PRKAR1B: variants seen among roughly 807,000 people sequenced by gnomAD.
The protein encoded by PRKAR1B is cAMP-dependent protein kinase type I-beta regulatory subunit.
Under a neutral mutation model 46.5 loss-of-function variants are expected in PRKAR1B, and 22 were observed. That is an observed-to-expected ratio of 0.47 (90% CI 0.34 to 0.68). PRKAR1B has a LOEUF of 0.68. PRKAR1B is among the 30% of genes least tolerant of loss of function. The probability of loss-of-function intolerance (pLI) is 0.01; values close to 1 mark genes in which losing one functional copy is unlikely to be tolerated. For synonymous variants in PRKAR1B, 259 were observed against 217.7 expected (o/e 1.19, Z -1.67); for missense variants, 445 against 535.6 (o/e 0.83, Z 1.67).
intron 9 of PRKAR1B, among the ~76,000 whole-genome samples, chr7:575,815 T>C (rs556417916): frequency 7.2e-5 from 11 of 152,296 alleles, no homozygotes; most frequent in African/African-American, 2.6e-4. Context: ...GCTCGAGTGA[T>C]CCTCTTCCTA....
chr7:704,402 C>A (rs941109605), intron 2 of PRKAR1B, among the ~76,000 whole-genome samples: 1 of 152,184 alleles, frequency 6.6e-6, no homozygotes, highest in Non-Finnish European at 1.5e-5. Flanking sequence ...ACAAACACTA[C>A]AGACATTAAA....
rs1179057152 is a variant in PRKAR1B at position 666,202 on chromosome 7, C to T, written c.440+11027G>A. ...CCGGGATAGAACCCAAGGGCCTCCA[C>T]CTCACTCCCCAAGGCCTGGGACACA... is the stretch of plus-strand genomic sequence containing the variant. On this transcript the variant is annotated intron_variant, in intron 4 of 10. Transcript: ENST00000537384. The surrounding 1 kb of genome is among the most constrained non-coding windows in gnomAD (Gnocchi z 4.9). 6.6e-6 allele frequency among the ~76,000 whole-genome samples: 1 copy of T among 152,134 alleles called. No homozygotes were observed. Among genetic ancestry groups the T allele is most frequent in the Non-Finnish European group, 1.5e-5 (1 of 68,020 alleles).
chr7:711,286 G>C, intron 2 of PRKAR1B, 43 bp downstream of exon 2: 1 of 1,608,140 alleles, frequency 6.2e-7, no homozygotes, highest in Non-Finnish European at 8.5e-7. Context: ...CTCTGCCCCA[G>C]GACACGTGCG....
Position 626,957 on chromosome 7 carries a change from C to G in PRKAR1B, c.441-19505G>C, listed in dbSNP as rs539168122. 5.3e-5 allele frequency among the ~76,000 whole-genome samples: 8 copies of G among 152,280 alleles called. No individual in the cohort carries two copies. In the East Asian group the frequency reaches 9.7e-4, roughly 18 times the overall value. On this transcript the variant is annotated intron_variant, in intron 4 of 10. Transcript: ENST00000537384. ...TGGCGTGATCTCGGCTCACTGCAAG[C>G]TCCGCCTCCCGGGTTCAAGCGATTC... is the stretch of plus-strand genomic sequence containing the variant.
At chr7:626,197 A>C (rs1179686033) in intron 4 of PRKAR1B, among the ~76,000 whole-genome samples, 4 of 152,174 alleles carry the variant, frequency 2.6e-5, no homozygotes, top group Admixed American at 1.3e-4. Flanking sequence ...CAAAACAAAA[A>C]GCGTCAAGCC....
intron 4 of PRKAR1B, among the ~76,000 whole-genome samples, chr7:641,750 T>C (rs1385942086): frequency 6.6e-6 from 1 of 152,162 alleles, no homozygotes; most frequent in East Asian, 1.9e-4. Flanking sequence ...ACGACTCTAT[T>C]TATGTGTTTA....
At chr7:631,571 C>T (rs1783742167) in intron 4 of PRKAR1B, among the ~76,000 whole-genome samples, 1 of 152,214 alleles carries the variant, frequency 6.6e-6, no homozygotes, top group African/African-American at 2.4e-5. Context: ...AAAGGTGCTG[C>T]GTGGAAAAGC....
intron 7 of PRKAR1B, among the ~76,000 whole-genome samples, chr7:585,818 G>A (rs1441352134): frequency 6.6e-6 from 1 of 152,070 alleles, no homozygotes; most frequent in African/African-American, 2.4e-5. Flanking sequence ...CCTAGACTGG[G>A]CCCTAAAAGC....
chr7:620,715 T>C (rs1360734463), intron 4 of PRKAR1B, among the ~76,000 whole-genome samples: 2 of 152,252 alleles, frequency 1.3e-5, no homozygotes, highest in East Asian at 1.9e-4. Context: ...GTGTATTCTA[T>C]GCTGGTTTCC....
intron 4 of PRKAR1B, among the ~76,000 whole-genome samples, chr7:645,967 T>G (rs1784600554): frequency 2.6e-5 from 4 of 152,160 alleles, no homozygotes; most frequent in African/African-American, 9.7e-5. Flanking sequence ...AGTCCAAGTG[T>G]GCACCTGACC....
At chr7:556,428 A>G (rs1028150139) in intron 9 of PRKAR1B, among the ~76,000 whole-genome samples, 2 of 150,734 alleles carry the variant, frequency 1.3e-5, no homozygotes, top group Non-Finnish European at 2.9e-5. Context: ...CGGCCTTCGG[A>G]TAATTAGAAG....
Position 635,376 on chromosome 7 carries a change from G to A in PRKAR1B, c.441-27924C>T, listed in dbSNP as rs372825678. ...CGCCCAGGCAGACTGTGGCATCGCT[G>A]CTCTGAAAACAGGGGTCAGAGCAGC... is the stretch of plus-strand genomic sequence containing the variant. On this transcript the variant is annotated intron_variant, in intron 4 of 10. Transcript: ENST00000537384. 3.3e-5 allele frequency among the ~76,000 whole-genome samples: 5 copies of A among 152,220 alleles called. No individual in the cohort carries two copies. In the South Asian group the frequency reaches 1.0e-3, roughly 31 times the overall value.
At chr7:704,390 A>AT (rs1445751661) in intron 2 of PRKAR1B, among the ~76,000 whole-genome samples, 17 of 152,352 alleles carry the variant, frequency 1.1e-4, no homozygotes, top group African/African-American at 3.8e-4. Context: ...GAATGAAATA[A>AT]TACAAACACT....
intron 9 of PRKAR1B, among the ~76,000 whole-genome samples, chr7:562,901 C>T (rs1562520753): frequency 6.6e-6 from 1 of 151,334 alleles, no homozygotes; most frequent in African/African-American, 2.5e-5. Flanking sequence ...CCCTGACCCT[C>T]GCCCGCCATT....
At chr7:653,837 A>G (rs1053540297) in intron 4 of PRKAR1B, among the ~76,000 whole-genome samples, 2 of 151,994 alleles carry the variant, frequency 1.3e-5, no homozygotes, top group African/African-American at 2.4e-5. Flanking sequence ...CATGATAATT[A>G]TCATCATCAC....
rs182343798 is a variant in PRKAR1B at position 692,902 on chromosome 7, C to T, written c.178-12176G>A. ...CAGATGCCCTGCAGGCTGGAGGGGGCTGAGAAGAGGAGTTTGTTTGAGCAG... is the reference window on the plus strand; with the variant it reads ...CAGATGCCCTGCAGGCTGGAGGGGGTTGAGAAGAGGAGTTTGTTTGAGCAG... On this transcript the variant is annotated intron_variant, in intron 2 of 10. Transcript: ENST00000537384. 5.9e-5 allele frequency among the ~76,000 whole-genome samples: 9 copies of T among 151,902 alleles called. No individual in the cohort carries two copies. In the East Asian group the frequency reaches 1.7e-3, roughly 29 times the overall value.
chr7:611,275 G>C (rs1001914556), intron 4 of PRKAR1B, among the ~76,000 whole-genome samples: 3 of 152,182 alleles, frequency 2.0e-5, no homozygotes, highest in Admixed American at 1.3e-4. Flanking sequence ...CCCTCTCTCT[G>C]TCTCTCTCTC....
intron 4 of PRKAR1B, among the ~76,000 whole-genome samples, chr7:673,081 C>G (rs1434080063): frequency 5.2e-5 from 3 of 57,670 alleles, no homozygotes; most frequent in African/African-American, 1.7e-4. Context: ...AAAAAAAACA[C>G]ACACACACAG....
At chr7:594,628 C>T (rs906214541) in intron 7 of PRKAR1B, among the ~76,000 whole-genome samples, 1 of 152,104 alleles carries the variant, frequency 6.6e-6, no homozygotes, top group Non-Finnish European at 1.5e-5. Context: ...TAAGGGGACA[C>T]CTCCAAACTA....
Sources: allele counts gnomAD v4.1 joint callset (sites outside exome capture counted in the v4.1 genomes callset), GRCh38; gene constraint gnomAD v4.1.1; non-coding constraint Gnocchi (gnomAD v3.1); transcripts MANE v1.5; gene names NCBI Gene and HGNC (gene_info 2026-07-23, HGNC 2026-07-21).